PTPRR: variants seen among roughly 807,000 people sequenced by gnomAD.
PTPRR encodes protein tyrosine phosphatase receptor type R.
PTPRR carries 38 observed loss-of-function variants against 77.2 expected under a neutral mutation model. The observed-to-expected ratio is 0.49, with a 90% CI of 0.38 to 0.65. PTPRR has a LOEUF of 0.65. Among genes scored for constraint, PTPRR ranks in the 30% least tolerant of loss-of-function variants. The pLI is 0.00. For missense variants in PTPRR, 744 were observed against 799.2 expected (o/e 0.93, Z 0.83); for synonymous variants, 299 against 283.1 (o/e 1.06, Z -0.57).
intron 2 of PTPRR, among the ~76,000 whole-genome samples, chr12:70,868,378 A>G (rs1213041134): frequency 6.8e-6 from 1 of 146,342 alleles, no homozygotes; most frequent in East Asian, 2.0e-4. Flanking sequence ...GTGGGAAAGG[A>G]TATGAACAGA....
intron 5 of PTPRR, among the ~76,000 whole-genome samples, chr12:70,751,023 G>A (rs34743463): frequency 0.049 from 7,507 of 152,006 alleles, 272 homozygotes; most frequent in South Asian, 0.081. Flanking sequence ...ACAGGCGTGA[G>A]CCACTGCACT....
At chr12:70,662,442 G>T (rs1886829720) in intron 11 of PTPRR, 53 bp downstream of exon 11, 4 of 1,030,360 alleles carry the variant, frequency 3.9e-6, no homozygotes, top group East Asian at 2.5e-5. Flanking sequence ...AAGTAGAAAT[G>T]TAATCCTCTA....
At chr12:70,685,906 T>C (rs1438934920) in intron 8 of PTPRR, among the ~76,000 whole-genome samples, 1 of 152,152 alleles carries the variant, frequency 6.6e-6, no homozygotes, top group African/African-American at 2.4e-5. Context: ...TGCCCAAAGG[T>C]ACACAGCCAA....
Position 70,860,562 on chromosome 12 carries a change from T to C in PTPRR, c.357+32117A>G, listed in dbSNP as rs576740027. On this transcript the variant is annotated intron_variant, in intron 2 of 13. Transcript: ENST00000283228. ...CCATGTCCTGTACTTCATGTGTATG[T>C]GCTACCTTACTTATGTATGTTCACA... 1.3e-5 allele frequency among the ~76,000 whole-genome samples: 2 copies of C among 152,290 alleles called. 1 individual carries two copies. Among genetic ancestry groups the C allele is most frequent in the African/African-American group, 4.8e-5 (2 of 41,556 alleles).
chr12:70,838,081 G>C (rs1892335203), intron 2 of PTPRR, among the ~76,000 whole-genome samples: 1 of 152,138 alleles, frequency 6.6e-6, no homozygotes. Flanking sequence ...TTACTACAGA[G>C]AGAGCTATTG....
At chr12:70,782,755 G>T (rs925483205) in intron 2 of PTPRR, among the ~76,000 whole-genome samples, 1 of 152,092 alleles carries the variant, frequency 6.6e-6, no homozygotes, top group Non-Finnish European at 1.5e-5. Context: ...GTTAATAGGT[G>T]CAGCACACCA....
chr12:70,848,360 G>T (rs1246466374), intron 2 of PTPRR, among the ~76,000 whole-genome samples: 1 of 152,114 alleles, frequency 6.6e-6, no homozygotes, highest in Admixed American at 6.6e-5. Flanking sequence ...ATGGAGTCTT[G>T]CTCTGTCACC....
chr12:70,701,545 A>G (rs959229036), intron 6 of PTPRR, among the ~76,000 whole-genome samples: 1 of 152,254 alleles, frequency 6.6e-6, no homozygotes, highest in Non-Finnish European at 1.5e-5. Context: ...TTGAGAAAAT[A>G]TGCTATAATT....
chr12:70,796,739 T>A (rs1182059984), intron 2 of PTPRR, among the ~76,000 whole-genome samples: 3 of 151,922 alleles, frequency 2.0e-5, no homozygotes, highest in Non-Finnish European at 4.4e-5. Flanking sequence ...AAAAAAAAAA[T>A]TTAACTAAGG....
chr12:70,919,627 G>A lies in PTPRR; in HGVS notation c.58+706C>T, dbSNP rs981794521. 1.4e-3 allele frequency among the ~76,000 whole-genome samples: 215 copies of A among 149,284 alleles called. 2 individuals carry two copies. Among genetic ancestry groups the A allele is most frequent in the Non-Finnish European group, 5.6e-4 (38 of 67,612 alleles). Reference sequence around the variant, plus strand: ...TGGTTACACCTTATCAAATCTGTCCGAGGGACAGTGCCTAACCCAGGGTTG... The same window carrying A: ...TGGTTACACCTTATCAAATCTGTCCAAGGGACAGTGCCTAACCCAGGGTTG... On this transcript the variant is annotated intron_variant, in intron 1 of 13. Transcript: ENST00000283228.
At chr12:70,862,964 A>T (rs761764643) in intron 2 of PTPRR, among the ~76,000 whole-genome samples, 4 of 152,154 alleles carry the variant, frequency 2.6e-5, no homozygotes, top group Non-Finnish European at 5.9e-5. Flanking sequence ...CAATTGACAG[A>T]TAAGAAAGCA....
intron 2 of PTPRR, among the ~76,000 whole-genome samples, chr12:70,816,481 T>A (rs1891904555): frequency 6.6e-6 from 1 of 152,164 alleles, no homozygotes; most frequent in East Asian, 1.9e-4. Context: ...GATAATTCAT[T>A]GAAGTGAAAA....
intron 2 of PTPRR, among the ~76,000 whole-genome samples, chr12:70,768,371 C>T (rs571320421): frequency 0.033 from 4,973 of 152,280 alleles, 120 homozygotes; most frequent in Middle Eastern, 0.078. Context: ...TCAGAGAATA[C>T]TACAAACACC....
chr12:70,787,284 G>A (rs1237832067), intron 2 of PTPRR, among the ~76,000 whole-genome samples: 2 of 152,100 alleles, frequency 1.3e-5, no homozygotes, highest in African/African-American at 4.8e-5. Flanking sequence ...AAAAACAAGG[G>A]AAACTATTTA....
At chr12:70,690,111 A>G (rs1367574143) in intron 8 of PTPRR, among the ~76,000 whole-genome samples, 2 of 152,138 alleles carry the variant, frequency 1.3e-5, no homozygotes, top group Non-Finnish European at 2.9e-5. Flanking sequence ...AGGATCTTAG[A>G]CCATGCAAAG....
At chr12:70,642,811 C>A (rs1886054684) in intron 13 of PTPRR, among the ~76,000 whole-genome samples, 1 of 152,140 alleles carries the variant, frequency 6.6e-6, no homozygotes, top group South Asian at 2.1e-4. Flanking sequence ...TCATAATCAT[C>A]TCTGAAAATA....
intron 6 of PTPRR, among the ~76,000 whole-genome samples, chr12:70,711,725 T>G (rs936970021): frequency 6.6e-6 from 1 of 152,120 alleles, no homozygotes; most frequent in Non-Finnish European, 1.5e-5. Flanking sequence ...TTTTTACATT[T>G]ATGCCAAGGA....
At chr12:70,874,920 CA>C (rs34592534) in intron 2 of PTPRR, among the ~76,000 whole-genome samples, 5,121 of 76,622 alleles carry the variant, frequency 0.067, 71 homozygotes, top group African/African-American at 0.12. Context: ...GACTCCATCT[CA>C]AAAAAAAAAA....
chr12:70,776,640 T>C (rs1192983555), intron 2 of PTPRR, among the ~76,000 whole-genome samples: 1 of 152,134 alleles, frequency 6.6e-6, no homozygotes, highest in Admixed American at 6.6e-5. Flanking sequence ...TTTCACATTG[T>C]TAGCGCACAC....
Sources: gnomAD v4.1 joint callset for allele counts (sites outside exome capture counted in the v4.1 genomes callset) on GRCh38, gnomAD v4.1.1 for gene constraint, MANE v1.5 for transcripts, NCBI Gene and HGNC (gene_info 2026-07-23, HGNC 2026-07-21) for gene names.